Variants in GTF2IRD1 observed in about 807,000 individuals in gnomAD.
GTF2IRD1 encodes the protein GTF2I repeat domain containing 1.
A neutral mutation model predicts 113.2 loss-of-function variants in GTF2IRD1; 26 were observed. The ratio of observed to expected loss-of-function variants is 0.23; its 90% CI spans 0.17 to 0.32. GTF2IRD1 has a LOEUF of 0.32. Ranked by LOEUF, GTF2IRD1 falls within the 10% of genes least tolerant of loss-of-function variation. The pLI, the probability that GTF2IRD1 is intolerant of heterozygous loss-of-function variation, is 1.00. For synonymous variants in GTF2IRD1, 484 were observed against 529.1 expected (o/e 0.91, Z 1.17); for missense variants, 864 against 1,280.8 (o/e 0.67, Z 4.97).
intron 8 of GTF2IRD1, among the ~76,000 whole-genome samples, 196 bp downstream of exon 8, chr7:74,524,350 A>G (rs1797468842): frequency 6.6e-6 from 1 of 151,962 alleles, no homozygotes; most frequent in Non-Finnish European, 1.5e-5. Flanking sequence ...TCCCTTCCAG[A>G]TTCTTCAGGG....
chr7:74,601,367 C>T (rs1438718424), intron 26 of GTF2IRD1, 187 bp downstream of exon 26: 1 of 1,521,118 alleles, frequency 6.6e-7, no homozygotes, highest in Non-Finnish European at 8.8e-7. Flanking sequence ...GCCCATCCTT[C>T]TCGTGGGGTA....
rs373778626 is a variant in GTF2IRD1, at chr7:74,500,890, A to AT, written c.-6-7177dup. Among the ~76,000 whole-genome samples, 371 of 151,746 alleles carry AT rather than the reference A, an allele frequency of 2.4e-3. 1 individual carries two copies. Among genetic ancestry groups the AT allele is most frequent in the African/African-American group, 8.0e-3 (332 of 41,364 alleles). The stretch of plus-strand genomic sequence containing the variant: ...AGGTGTGGACCACCACACCTGGCTA[A>AT]TTTTTTTTATTTTTGTAGAGGTGGG... On this transcript the variant is annotated intron_variant, in intron 1 of 26. Coordinates refer to ENST00000424337, the MANE Select transcript of GTF2IRD1 (RefSeq NM_005685.4).
chr7:74,473,274 G>A (rs1232827383), intron 1 of GTF2IRD1, among the ~76,000 whole-genome samples: 2 of 152,174 alleles, frequency 1.3e-5, no homozygotes, highest in Non-Finnish European at 2.9e-5. Flanking sequence ...GATCTTGGCC[G>A]GTGTCCCTTC....
chr7:74,499,459 A>G (rs1795906008), intron 1 of GTF2IRD1, among the ~76,000 whole-genome samples: 1 of 152,070 alleles, frequency 6.6e-6, no homozygotes, highest in Admixed American at 6.6e-5. Context: ...AGAAGGAAGG[A>G]AGGAAAGAAG....
At chr7:74,479,251 G>T (rs1794600293) in intron 1 of GTF2IRD1, among the ~76,000 whole-genome samples, 1 of 152,094 alleles carries the variant, frequency 6.6e-6, no homozygotes, top group African/African-American at 2.4e-5. Flanking sequence ...GACCTTCCGA[G>T]ATCCTTGGCC....
At chr7:74,514,423 G>A (rs1487820968) in intron 3 of GTF2IRD1, among the ~76,000 whole-genome samples, 1 of 152,176 alleles carries the variant, frequency 6.6e-6, no homozygotes, top group Non-Finnish European at 1.5e-5. Context: ...CAGAGCCTGA[G>A]GCGGTGCACC....
At chr7:74,523,960 TG>T in intron 7 of GTF2IRD1, 110 bp from the exon 8 acceptor site, 2 of 724,144 alleles carry the variant, frequency 2.8e-6, no homozygotes, top group Non-Finnish European at 5.0e-6. Flanking sequence ...GACTGGGGGC[TG>T]GGGCCGGCCT....
At chr7:74,519,249 C>T (rs899990800) in intron 5 of GTF2IRD1, among the ~76,000 whole-genome samples, 160 bp from the exon 6 acceptor site, 10 of 152,224 alleles carry the variant, frequency 6.6e-5, no homozygotes, top group African/African-American at 2.4e-4. Flanking sequence ...ACCTCCGAGC[C>T]TGCATCCCCA....
At chr7:74,490,421 CAGT>C (rs1474999297) in intron 1 of GTF2IRD1, among the ~76,000 whole-genome samples, 8 of 151,896 alleles carry the variant, frequency 5.3e-5, no homozygotes, top group Non-Finnish European at 1.0e-4. Flanking sequence ...GCTACAGTGA[CAGT>C]GGTGGTGGGG....
At chr7:74,601,248 C>A in intron 26 of GTF2IRD1, 68 bp downstream of exon 26, 1 of 1,551,748 alleles carries the variant, frequency 6.4e-7, no homozygotes, top group Non-Finnish European at 8.7e-7. Flanking sequence ...CTGGCAGGGC[C>A]GTCTACTCTG....
chr7:74,518,723 A>T (rs1161067573), intron 5 of GTF2IRD1, among the ~76,000 whole-genome samples: 1 of 152,080 alleles, frequency 6.6e-6, no homozygotes, highest in East Asian at 1.9e-4. Context: ...CTGCCAAAAA[A>T]TAAAAATAAA....
intron 7 of GTF2IRD1, 96 bp downstream of exon 7, chr7:74,521,393 G>GA: frequency 1.3e-6 from 1 of 776,964 alleles, no homozygotes; most frequent in Non-Finnish European, 2.3e-6. Context: ...GGGTCTTTGT[G>GA]AAAGAAAGGA....
At chr7:74,587,779 A>G (rs1444744732) in intron 22 of GTF2IRD1, among the ~76,000 whole-genome samples, 1 of 151,968 alleles carries the variant, frequency 6.6e-6, no homozygotes, top group Non-Finnish European at 1.5e-5. Context: ...CTCAGGCCCC[A>G]TCTCCAGGGC....
chr7:74,544,668 A>G, intron 14 of GTF2IRD1, 87 bp from the exon 15 acceptor site: 2 of 1,378,086 alleles, frequency 1.5e-6, no homozygotes, highest in Non-Finnish European at 2.0e-6. Flanking sequence ...CTGGCCTGCC[A>G]TTCCCCAGCT....
At chr7:74,456,714 GCCGTTTT>G (rs1223118754) in intron 1 of GTF2IRD1, among the ~76,000 whole-genome samples, 1 of 151,388 alleles carries the variant, frequency 6.6e-6, no homozygotes, top group Non-Finnish European at 1.5e-5. Context: ...CTGTAGTCTT[GCCGTTTT>G]CCTGAATGGC....
chr7:74,527,787 G>A (rs1797692700), intron 8 of GTF2IRD1, among the ~76,000 whole-genome samples: 1 of 152,116 alleles, frequency 6.6e-6, no homozygotes, highest in Non-Finnish European at 1.5e-5. Flanking sequence ...TTTGCAGTGA[G>A]CCAAGATTGT....
intron 1 of GTF2IRD1, among the ~76,000 whole-genome samples, chr7:74,470,811 T>G (rs1217489293): frequency 6.7e-6 from 1 of 149,036 alleles, no homozygotes; most frequent in Non-Finnish European, 1.5e-5. Context: ...ATATGTGGGG[T>G]TTTTTTTTTC....
At chr7:74,593,549 T>C (rs1348127910) in intron 24 of GTF2IRD1, among the ~76,000 whole-genome samples, 4 of 150,524 alleles carry the variant, frequency 2.7e-5, no homozygotes, top group African/African-American at 9.8e-5. Flanking sequence ...CTGGCTAACA[T>C]GGTGAAACCC....
At chr7:74,513,485 A>G (rs1168727975) in intron 3 of GTF2IRD1, among the ~76,000 whole-genome samples, 1 of 152,066 alleles carries the variant, frequency 6.6e-6, no homozygotes, top group Non-Finnish European at 1.5e-5. Context: ...TTGTATTTTT[A>G]GTAGAGACGG....
Sources: gnomAD v4.1 joint callset for allele counts (sites outside exome capture counted in the v4.1 genomes callset) on GRCh38, gnomAD v4.1.1 for gene constraint, MANE v1.5 for transcripts, NCBI Gene and HGNC (gene_info 2026-07-23, HGNC 2026-07-21) for gene names.